PAX5: variants seen among roughly 807,000 people sequenced by gnomAD.
PAX5 encodes paired box 5.
Under a neutral mutation model 43.7 loss-of-function variants are expected in PAX5, and 9 were observed. That is an observed-to-expected ratio of 0.21 (90% CI 0.12 to 0.36). PAX5 has a LOEUF of 0.36. PAX5 is among the 10% of genes least tolerant of loss of function. The pLI is 1.00. For missense variants in PAX5, 383 were observed against 532.7 expected, an observed-to-expected ratio of 0.72 and a Z score of 2.77; for synonymous variants, 228 against 214.3, an observed-to-expected ratio of 1.06 and a Z score of -0.56.
At position 37,020,704 on chromosome 9, in the gene PAX5, A is replaced by C. The variant is rs1588249459; in HGVS notation, c.144T>G (p.Gly48=). ...GCCTGGAGATGTCGCAGGGCCTGAC[A>C]CCTTGATGAGCAAGTTCCACTATCC... ...RQRIVELAHQ[G]VRPCDISRQL... is the part of the protein sequence containing the mutation. Residue 48 remains glycine (G), a synonymous_variant, in exon 2 of 10, where the codon GGT becomes GGG. Coordinates refer to ENST00000358127, the MANE Select transcript of PAX5 (RefSeq NM_016734.3). 3 of 1,614,142 alleles carry C rather than the reference A, an allele frequency of 1.9e-6. No individual in the cohort carries two copies. The highest frequency in any genetic ancestry group is 2.5e-6 in the Non-Finnish European group (3 of 1,180,036).
intron 3 of PAX5, among the ~76,000 whole-genome samples, chr9:37,008,264 G>C (rs1838631779): frequency 6.6e-6 from 1 of 152,210 alleles, no homozygotes; most frequent in Non-Finnish European, 1.5e-5. Flanking sequence ...ACGTTAGCCA[G>C]GCTGGTCTCC....
chr9:36,900,083 G>C (rs1260439430), intron 7 of PAX5, among the ~76,000 whole-genome samples: 1 of 152,114 alleles, frequency 6.6e-6, no homozygotes, highest in Non-Finnish European at 1.5e-5. Context: ...AAATATTTTT[G>C]GCTGCCTGAC....
intron 3 of PAX5, among the ~76,000 whole-genome samples, chr9:37,012,575 A>G (rs1839033476): frequency 6.6e-6 from 1 of 152,144 alleles, no homozygotes; most frequent in Non-Finnish European, 1.5e-5. Flanking sequence ...CAGGCAGAAA[A>G]CATCAGCGGG....
chr9:36,940,700 A>G (rs1588034265), intron 6 of PAX5, among the ~76,000 whole-genome samples: 1 of 151,992 alleles, frequency 6.6e-6, no homozygotes, highest in African/African-American at 2.4e-5. Flanking sequence ...GCACAGCACC[A>G]GGGAGAATCG....
intron 8 of PAX5, 86 bp downstream of exon 8, chr9:36,881,918 G>A: frequency 2.1e-6 from 2 of 968,462 alleles, no homozygotes; most frequent in South Asian, 2.8e-5. Context: ...AAGCGTAGAG[G>A]TCACCCAGGC....
chr9:36,947,725 TA>T (rs1208907488), intron 6 of PAX5, among the ~76,000 whole-genome samples: 8 of 152,228 alleles, frequency 5.3e-5, no homozygotes, highest in Non-Finnish European at 1.0e-4. Context: ...TATATATATA[TA>T]TTTTTAACAG....
chr9:37,008,159 A>C (rs1000664784), intron 3 of PAX5: 1 of 152,204 alleles, frequency 6.6e-6, no homozygotes, highest in Non-Finnish European at 1.5e-5. Context: ...CCTAGGGTTC[A>C]ACTGATTCTC....
chr9:36,973,259 C>T (rs992102975), intron 5 of PAX5, among the ~76,000 whole-genome samples: 39 of 152,294 alleles, frequency 2.6e-4, no homozygotes, highest in African/African-American at 8.9e-4. Context: ...ACCCCAGGGT[C>T]CAGGGCTGTC....
intron 6 of PAX5, among the ~76,000 whole-genome samples, chr9:36,964,834 C>A (rs1301761788): frequency 6.6e-6 from 1 of 152,100 alleles, no homozygotes; most frequent in Non-Finnish European, 1.5e-5. Context: ...ATGCCCAGCA[C>A]CATAACCATG....
chr9:36,862,364 G>C (rs1394146227), intron 8 of PAX5, among the ~76,000 whole-genome samples: 1 of 152,138 alleles, frequency 6.6e-6, no homozygotes, highest in Non-Finnish European at 1.5e-5. Flanking sequence ...CCGCAGCAAT[G>C]AACTTCGCAG....
rs868600215 is a variant in PAX5, at chr9:36,850,163, G to A, written c.1013-3234C>T. Among the ~76,000 whole-genome samples, 18 of 152,362 alleles carry A rather than the reference G, an allele frequency of 1.2e-4. No individual in the cohort carries two copies. In the East Asian group the frequency reaches 2.5e-3, roughly 21 times the overall value. ...TGGCCCCTGCATGGCCAGGTCTTCC[G>A]TGAGGCCCCGCAGAGGCAGCTGCAG... On this transcript the variant is annotated intron_variant, in intron 8 of 9. Transcript: ENST00000358127.
At chr9:37,017,534 C>T (rs1417194625) in intron 2 of PAX5, among the ~76,000 whole-genome samples, 1 of 152,232 alleles carries the variant, frequency 6.6e-6, no homozygotes, top group Non-Finnish European at 1.5e-5. Flanking sequence ...AATTGATAGT[C>T]ACCGAGTGTC....
chr9:36,840,423 A>G lies in PAX5; in HGVS notation c.*137T>C, dbSNP rs1003133857. Reference sequence around the variant, plus strand: ...GGCCCCAGAGTCCCTGGAGGAAGAGAGGAAGAGGGGAGCTTCAGGCAAGTG... The same window carrying G: ...GGCCCCAGAGTCCCTGGAGGAAGAGGGGAAGAGGGGAGCTTCAGGCAAGTG... On this transcript the variant is annotated 3_prime_UTR_variant, in exon 10 of 10. Transcript: ENST00000358127. 16 of 822,200 alleles carry G rather than the reference A, an allele frequency of 1.9e-5. No individual in the cohort carries two copies. Among genetic ancestry groups the G allele is most frequent in the African/African-American group, 1.8e-4 (11 of 59,782 alleles). The allele number at this position is 822,200 out of a possible 1,614,324, so 50.9% of individuals were successfully genotyped here.
chr9:36,975,552 A>AT (rs1835356099), intron 5 of PAX5, among the ~76,000 whole-genome samples: 1 of 151,878 alleles, frequency 6.6e-6, no homozygotes, highest in African/African-American at 2.4e-5. Flanking sequence ...TTCCCAGCTA[A>AT]TTTTTTGCAT....
At chr9:36,974,083 G>A (rs1334343002) in intron 5 of PAX5, among the ~76,000 whole-genome samples, 1 of 152,070 alleles carries the variant, frequency 6.6e-6, no homozygotes, top group Non-Finnish European at 1.5e-5. Context: ...GAGAGGTTGA[G>A]GCAAGAGGAT....
intron 7 of PAX5, among the ~76,000 whole-genome samples, chr9:36,921,506 C>T (rs1830168026): frequency 1.3e-5 from 2 of 152,212 alleles, no homozygotes; most frequent in African/African-American, 4.8e-5. Context: ...AACTCCACTG[C>T]TCACCAGCTG....
intron 5 of PAX5, among the ~76,000 whole-genome samples, chr9:36,978,428 A>T (rs2132262099): frequency 6.6e-6 from 1 of 152,332 alleles, no homozygotes; most frequent in East Asian, 1.9e-4. Flanking sequence ...ACCTGGAAGG[A>T]CCTGGAAGGG....
chr9:36,902,012 G>T lies in PAX5; in HGVS notation c.911-19907C>A, dbSNP rs1828438215. On this transcript the variant is annotated intron_variant, in intron 7 of 9. Transcript: ENST00000358127. Reference sequence around the variant, plus strand: ...TATCTGCTGCTTCTTTTAGAGTAAGGGTGAGGGAGGGCTCCCATCCCCTCC... The same window carrying T: ...TATCTGCTGCTTCTTTTAGAGTAAGTGTGAGGGAGGGCTCCCATCCCCTCC... Among the ~76,000 whole-genome samples the T allele has an allele frequency of 1.3e-5, 2 of 152,140 alleles. 1 individual carries two copies. Among genetic ancestry groups the T allele is most frequent in the Admixed American group, 1.3e-4 (2 of 15,274 alleles).
intron 1 of PAX5, among the ~76,000 whole-genome samples, chr9:37,031,975 C>G (rs1026935482): frequency 6.6e-6 from 1 of 152,254 alleles, no homozygotes; most frequent in Admixed American, 6.5e-5. Flanking sequence ...CCAGCTTGGA[C>G]AGCTTCTCAG....
Sources: allele counts gnomAD v4.1 joint callset (sites outside exome capture counted in the v4.1 genomes callset), GRCh38; gene constraint gnomAD v4.1.1; transcripts MANE v1.5; gene names NCBI Gene and HGNC (gene_info 2026-07-23, HGNC 2026-07-21).